ZBTB25: variants seen among roughly 807,000 people sequenced by gnomAD.
The protein encoded by ZBTB25 is zinc finger and BTB domain-containing protein 25.
In ZBTB25, 20 loss-of-function variants were observed where a neutral mutation model predicts 34.2. The observed-to-expected ratio is 0.58, with a 90% confidence interval of 0.41 to 0.85. The LOEUF (loss-of-function observed/expected upper bound fraction) is 0.85, where lower values mean the gene tolerates loss of function less well. Among genes scored for constraint, ZBTB25 ranks in the 40% least tolerant of loss-of-function variants. ZBTB25 has a pLI of 0.00. For synonymous variants in ZBTB25, 175 were observed against 186.4 expected (o/e 0.94, Z 0.50); for missense variants, 437 against 521.8 (o/e 0.84, Z 1.58).
In ZBTB25 at chr14:64,486,115, C is replaced by T. The variant is rs534258615; in HGVS notation, c.*808G>A. ...GAGATCGAGACCATCCTGGCTAACA[C>T]GGTGAAACCCCGTCTCTACTAAAAA... On this transcript the variant is annotated 3_prime_UTR_variant, in exon 3 of 3. Transcript: ENST00000608382. The T allele has an allele frequency of 1.1e-4, 77 of 715,872 alleles. 1 individual carries two copies. The highest frequency in any genetic ancestry group is 1.5e-4 in the African/African-American group (8 of 51,634). The allele number at this position is 715,872 out of a possible 1,614,324, so 44.3% of individuals were successfully genotyped here.
chr14:64,466,445 T>A (rs1169022822), intron 2 of ZBTB25, among the ~76,000 whole-genome samples: 1 of 152,228 alleles, frequency 6.6e-6, no homozygotes, highest in Non-Finnish European at 1.5e-5. Flanking sequence ...AATATTTCTA[T>A]TATGTGGTAA....
chr14:64,498,373 C>T (rs1367763235), intron 1 of ZBTB25, among the ~76,000 whole-genome samples: 8 of 150,656 alleles, frequency 5.3e-5, no homozygotes, highest in African/African-American at 9.8e-5. Context: ...AGTGCAATGG[C>T]GCGATCTCGG....
intron 2 of ZBTB25, among the ~76,000 whole-genome samples, chr14:64,457,413 C>T (rs988499815): frequency 6.6e-6 from 1 of 151,754 alleles, no homozygotes; most frequent in African/African-American, 2.4e-5. Flanking sequence ...TGAAGGCTGG[C>T]ATTTGGTTTG....
chr14:64,469,391 A>C (rs1318894882), intron 2 of ZBTB25: 1 of 1,614,072 alleles, frequency 6.2e-7, no homozygotes, highest in South Asian at 1.1e-5. Context: ...AGAAGAAAGC[A>C]AAAGAATGGA....
intron 2 of ZBTB25, chr14:64,471,115 G>A (rs947369927): frequency 1.2e-5 from 2 of 166,220 alleles, no homozygotes; most frequent in Non-Finnish European, 2.9e-5. Flanking sequence ...CATTTTACAT[G>A]AATATTGAAA....
intron 1 of ZBTB25, among the ~76,000 whole-genome samples, chr14:64,490,974 T>C (rs923127503): frequency 6.6e-6 from 1 of 152,248 alleles, no homozygotes. Context: ...ATGTTAGCTA[T>C]AAATGTTAAT....
Position 64,487,925 on chromosome 14 carries a change from A to G in ZBTB25, c.306T>C (p.Leu102=), listed in dbSNP as rs1258723366. 2 of 1,614,056 alleles carry G rather than the reference A, an allele frequency of 1.2e-6. No individual in the cohort carries two copies. The highest frequency in any genetic ancestry group is 2.7e-5 in the African/African-American group (2 of 74,926). The change falls in exon 3 of 3, where the codon CTT becomes CTC. Residue 102 remains leucine, a synonymous_variant. Transcript: ENST00000608382. ...HSRLEEGIRF[L]HADYLSHIAT... ...CAATGTGAGAAAGGTAGTCGGCGTGAAGAAATCGAATCCCTTCCTCCAAAC... is the reference window on the plus strand; with the variant it reads ...CAATGTGAGAAAGGTAGTCGGCGTGGAGAAATCGAATCCCTTCCTCCAAAC...
chr14:64,477,807 C>G (rs980220400), downstream of ZBTB25, among the ~76,000 whole-genome samples: 2 of 152,184 alleles, frequency 1.3e-5, no homozygotes, highest in African/African-American at 4.8e-5. Context: ...GCTAAATACA[C>G]AAGATCCCAT....
At chr14:64,493,773 A>C (rs944045357) in intron 1 of ZBTB25, among the ~76,000 whole-genome samples, 8 of 152,060 alleles carry the variant, frequency 5.3e-5, no homozygotes, top group African/African-American at 1.9e-4. Context: ...TGTTGATATA[A>C]AGGCAGAGTC....
chr14:64,484,398 T>G lies in ZBTB25; in HGVS notation c.*2525A>C, dbSNP rs924168359. ...ATTTCCTGTGTCAAAGAATAATGAGTGGGCCTGGCACGGTGGCTCACACCT... is the reference window on the plus strand; with the variant it reads ...ATTTCCTGTGTCAAAGAATAATGAGGGGGCCTGGCACGGTGGCTCACACCT... On this transcript the variant is annotated 3_prime_UTR_variant, in exon 3 of 3. Transcript: ENST00000608382. The G allele has an allele frequency of 5.3e-5, 8 of 152,284 alleles. No homozygotes were observed. Among genetic ancestry groups the G allele is most frequent in the African/African-American group, 1.7e-4 (7 of 41,418 alleles). 9.4% of individuals were successfully genotyped at this position (152,284 alleles called of 1,614,324 possible). A position where few individuals can be genotyped will look rare whatever the true frequency, so the allele number is the denominator to read the frequency against.
chr14:64,503,562 T>G lies in ZBTB25; in HGVS notation c.-8+99A>C. The G allele has an allele frequency of 4.1e-6, 4 of 986,024 alleles. No individual in the cohort carries two copies. The South Asian group carries it at 1.9e-4, about 46-fold the overall frequency. 61.1% of individuals were successfully genotyped at this position (986,024 alleles called of 1,614,324 possible). A position where few individuals can be genotyped will look rare whatever the true frequency, so the allele number is the denominator to read the frequency against. On this transcript the variant is annotated intron_variant, in intron 1 of 2. Transcript: ENST00000608382. Reference sequence around the variant, plus strand: ...CCCTCTCCCCAGCTACTTGCATCTGTCCCGCGACTGGTGCAGCTGCAGGCC... The same window carrying G: ...CCCTCTCCCCAGCTACTTGCATCTGGCCCGCGACTGGTGCAGCTGCAGGCC...
At chr14:64,496,328 CAAAAA>C in intron 1 of ZBTB25, among the ~76,000 whole-genome samples, 1 of 144,620 alleles carries the variant, frequency 6.9e-6, no homozygotes, top group East Asian at 2.0e-4. Flanking sequence ...ACTAAAAATA[CAAAAA>C]AAAAAGCTGG....
intron 2 of ZBTB25, chr14:64,467,224 C>G (rs969025569): frequency 3.9e-5 from 6 of 152,244 alleles, no homozygotes; most frequent in African/African-American, 1.4e-4. Flanking sequence ...TTGTGTTAAT[C>G]TGAGCTCTGT....
chr14:64,486,429 C>A lies in ZBTB25; in HGVS notation c.*494G>T, dbSNP rs1203572127. On this transcript the variant is annotated 3_prime_UTR_variant, in exon 3 of 3. Coordinates refer to ENST00000608382, the MANE Select transcript of ZBTB25 (RefSeq NM_006977.5). Reference sequence around the variant, plus strand: ...GTATATCTTAAAATAAATTTTTATACATTATAACATATGTATAACATACAG... The same window carrying A: ...GTATATCTTAAAATAAATTTTTATAAATTATAACATATGTATAACATACAG... 4.1e-6 allele frequency: 4 copies of A among 977,212 alleles called. No individual in the cohort carries two copies. Among genetic ancestry groups the A allele is most frequent in the Non-Finnish European group, 4.9e-6 (4 of 822,582 alleles). The allele number at this position is 977,212 out of a possible 1,614,324, so 60.5% of individuals were successfully genotyped here.
intron 1 of ZBTB25, chr14:64,499,566 C>CA (rs1317692809): frequency 5.7e-4 from 56 of 97,988 alleles, no homozygotes; most frequent in Middle Eastern, 6.0e-3. Context: ...AACTCCATCT[C>CA]AAAAAAAAAA....
At position 64,492,117 on chromosome 14, in the gene ZBTB25, C is replaced by CAA. The variant is rs58321068; in HGVS notation, c.-7-1579_-7-1578dup. Among the ~76,000 whole-genome samples, 169 of 73,966 alleles carry CAA rather than the reference C, an allele frequency of 2.3e-3. 2 individuals are homozygous for CAA. The highest frequency in any genetic ancestry group is 8.8e-3 in the Middle Eastern group (1 of 114). 48.5% of individuals were successfully genotyped at this position (73,966 alleles called of 152,430 possible). ...TGGGTGACAGAGCAAGACCCTATCT[C>CAA]AAAAAAAAAAAAAAAAAAAAAAGGC... is the stretch of plus-strand genomic sequence containing the variant. On this transcript the variant is annotated intron_variant, in intron 1 of 2. Transcript: ENST00000608382.
In ZBTB25 at chr14:64,478,867, C is replaced by G. The variant is rs2078745682; in HGVS notation, c.*8056G>C. On this transcript the variant is annotated 3_prime_UTR_variant, in exon 3 of 3. Coordinates refer to ENST00000608382, the MANE Select transcript of ZBTB25 (RefSeq NM_006977.5). ...TTTTTTAAAGGTACACTGGTGCCAC[C>G]TTTTGGCCAGATTAAAAATTCACAG... 1.3e-5 allele frequency: 2 copies of G among 152,070 alleles called. No homozygotes were observed. The highest frequency in any genetic ancestry group is 4.1e-4 in the South Asian group (2 of 4,822). The allele number at this position is 152,070 out of a possible 1,614,324, so 9.4% of individuals were successfully genotyped here.
At chr14:64,469,475 C>A (rs1202479804) in intron 2 of ZBTB25, 1 of 1,613,046 alleles carries the variant, frequency 6.2e-7, no homozygotes, top group Non-Finnish European at 8.5e-7. Context: ...TGTCCCTAAG[C>A]AATTCTTAAT....
At chr14:64,454,890 C>T in intron 2 of ZBTB25, 1 of 1,613,774 alleles carries the variant, frequency 6.2e-7, no homozygotes, top group South Asian at 1.1e-5. Context: ...GTGCATGCTG[C>T]AAGGGAGTAG....
Sources: gnomAD v4.1 joint callset for allele counts (sites outside exome capture counted in the v4.1 genomes callset) on GRCh38, gnomAD v4.1.1 for gene constraint, MANE v1.5 for transcripts, NCBI Gene and HGNC (gene_info 2026-07-23, HGNC 2026-07-21) for gene names.